Variants in NECAB3 observed in about 807,000 individuals in gnomAD.
NECAB3 encodes N-terminal EF-hand calcium-binding protein 3.
Under a neutral mutation model 57.2 loss-of-function variants are expected in NECAB3, and 38 were observed. That is an observed-to-expected ratio of 0.66 (90% CI 0.51 to 0.87). NECAB3 has a LOEUF of 0.87. Among genes scored for constraint, NECAB3 ranks in the 40% least tolerant of loss-of-function variants. The probability of loss-of-function intolerance (pLI) is 0.00; values close to 1 mark genes in which losing one functional copy is unlikely to be tolerated. For synonymous variants in NECAB3, 223 were observed against 222.6 expected (o/e 1.00, Z -0.02); for missense variants, 474 against 527.5 (o/e 0.90, Z 0.99).
chr20:33,658,363 G>A (rs1375789016), intron 10 of NECAB3, 114 bp downstream of exon 10: 2 of 1,090,478 alleles, frequency 1.8e-6, no homozygotes, highest in Middle Eastern at 2.0e-4. Flanking sequence ...GGGCAGGTGG[G>A]GTCACTCATC....
chr20:33,667,416 C>T (rs1912768533), intron 5 of NECAB3: 2 of 1,408,230 alleles, frequency 1.4e-6, no homozygotes, highest in South Asian at 1.5e-5. Context: ...TGCTGGTGAG[C>T]GACTCGCCGT....
intron 5 of NECAB3, chr20:33,667,255 C>A: frequency 2.3e-6 from 1 of 431,394 alleles, no homozygotes; most frequent in Non-Finnish European, 3.9e-6. Flanking sequence ...CCGGCCGGTG[C>A]TGCCCGGAGC....
intron 5 of NECAB3, chr20:33,667,851 T>G: frequency 6.2e-7 from 1 of 1,608,430 alleles, no homozygotes; most frequent in East Asian, 2.2e-5. Flanking sequence ...GCCTCAGCAG[T>G]GAGCGCTTCC....
intron 5 of NECAB3, chr20:33,663,797 CT>C (rs2017570256): frequency 7.0e-7 from 1 of 1,420,894 alleles, no homozygotes; most frequent in African/African-American, 1.5e-5. Context: ...CCGGGGAAGG[CT>C]CCCCGCGAAG....
At chr20:33,666,325 A>C (rs1377512912) in intron 5 of NECAB3, among the ~76,000 whole-genome samples, 1 of 152,232 alleles carries the variant, frequency 6.6e-6, no homozygotes, top group Non-Finnish European at 1.5e-5. Flanking sequence ...TGCTGAAGCC[A>C]GACCCCTGGA....
At chr20:33,663,507 C>T in intron 5 of NECAB3, 3 of 1,599,574 alleles carry the variant, frequency 1.9e-6, no homozygotes, top group African/African-American at 1.4e-5. Flanking sequence ...CGCTCTCCCG[C>T]CTCACGCCCC....
At chr20:33,661,361 C>T (rs1288192440) in intron 5 of NECAB3, among the ~76,000 whole-genome samples, 1 of 152,146 alleles carries the variant, frequency 6.6e-6, no homozygotes. Flanking sequence ...CTGCCCTCTC[C>T]GAGGAGACTC....
At chr20:33,667,751 G>A (rs755342505) in intron 5 of NECAB3, 2 of 1,612,488 alleles carry the variant, frequency 1.2e-6, no homozygotes, top group Non-Finnish European at 1.7e-6. Flanking sequence ...AAGCGCAGCT[G>A]CTACGTGTCC....
Position 33,660,036 on chromosome 20 carries a change from TG to T in NECAB3, c.525-34del. On this transcript the variant is annotated intron_variant, in intron 6 of 11. Coordinates refer to ENST00000246190, the MANE Select transcript of NECAB3 (RefSeq NM_031232.4). The surrounding 1 kb of genome is among the most constrained non-coding windows in gnomAD (Gnocchi z 4.1). The stretch of plus-strand genomic sequence containing the variant: ...AAGTGAGGCTCACAGGGCCGAGGAC[TG>T]GGGCCCCAGGACGGGATAAGCCTGG... 1 of 1,563,194 alleles carries T rather than the reference TG, an allele frequency of 6.4e-7. No individual in the cohort carries two copies.
Position 33,670,671 on chromosome 20 carries a change from CT to C in NECAB3, c.263+12del. On this transcript the variant is annotated intron_variant, in intron 3 of 11. Coordinates refer to ENST00000246190, the MANE Select transcript of NECAB3 (RefSeq NM_031232.4). ...TGGCCTCGCATCTACCCACGGCCCCCTCTCATACTCACTCGGTGAGATGCCC... is the reference window on the plus strand; with the variant it reads ...TGGCCTCGCATCTACCCACGGCCCCCCTCATACTCACTCGGTGAGATGCCC... The C allele has an allele frequency of 6.2e-7, 1 of 1,600,280 alleles. No individual in the cohort carries two copies. The highest frequency in any genetic ancestry group is 8.6e-7 in the Non-Finnish European group (1 of 1,169,198).
chr20:33,659,804 G>A (rs954606479), intron 7 of NECAB3, 72 bp from the exon 8 acceptor site: 5 of 1,531,636 alleles, frequency 3.3e-6, no homozygotes, highest in Non-Finnish European at 2.6e-6. Context: ...TGAAGTGAGG[G>A]GCAGTGAAGG....
rs2017720916 is a variant in NECAB3, at chr20:33,667,801, CATCCGGCCAGTTTCAG to C, written c.387+1558_387+1573del. On this transcript the variant is annotated intron_variant, in intron 5 of 11. Transcript: ENST00000246190. ...CGACCTCCGCGACCCCGCCCGCCAC[CATCCGGCCAGTTTCAG>C]CGTGGGTAACGGGTGCTGCGTCTGC... 3 of 1,612,534 alleles carry C rather than the reference CATCCGGCCAGTTTCAG, an allele frequency of 1.9e-6. No individual in the cohort carries two copies. The Admixed American group carries it at 5.0e-5, about 27-fold the overall frequency.
At chr20:33,658,105 C>T (rs978310753) in intron 10 of NECAB3, 72 bp from the exon 11 acceptor site, 51 of 1,361,776 alleles carry the variant, frequency 3.7e-5, no homozygotes, top group Non-Finnish European at 4.7e-5. Context: ...GATCAGACCC[C>T]GGCCCTTCTC....
At chr20:33,658,063 C>T (rs3746461) in intron 10 of NECAB3, 30 bp from the exon 11 acceptor site, 1 of 1,541,054 alleles carries the variant, frequency 6.5e-7, no homozygotes, top group East Asian at 2.4e-5. Flanking sequence ...AGTGACCTCG[C>T]TCTCCCCACT....
intron 10 of NECAB3, 138 bp downstream of exon 10, chr20:33,658,339 G>A (rs1046981656): frequency 3.4e-6 from 3 of 888,320 alleles, no homozygotes; most frequent in African/African-American, 1.7e-5. Context: ...ATTTTGGAAA[G>A]GACTCGGGGG....
In NECAB3 at chr20:33,659,913, G is replaced by A; in HGVS notation, c.615C>T (p.Ser205=). 6 of 1,548,052 alleles carry A rather than the reference G, an allele frequency of 3.9e-6. No individual in the cohort carries two copies. The highest frequency in any genetic ancestry group is 5.2e-6 in the Non-Finnish European group (6 of 1,148,392). Residue 205 remains serine, a synonymous_variant, in exon 7 of 12, where the codon TCC becomes TCT. Coordinates refer to ENST00000246190, the MANE Select transcript of NECAB3 (RefSeq NM_031232.4). ...TGTCAGAAGAGCCGGGGGACCAGGT[G>A]GATGACCGGCTGACACTCCTCAGGG... ...RRALRSVSRS[S]TWSPGSSDTG...
At chr20:33,664,050 G>C in intron 5 of NECAB3, 1 of 542,272 alleles carries the variant, frequency 1.8e-6, no homozygotes, top group African/African-American at 2.0e-5. Flanking sequence ...GCTGTCTTTT[G>C]CTTTCTCCTT....
intron 5 of NECAB3, chr20:33,663,621 G>C: frequency 6.2e-7 from 1 of 1,609,642 alleles, no homozygotes; most frequent in African/African-American, 1.3e-5. Context: ...GCGCTGGGCT[G>C]GGCTCCCCGG....
rs994016919 is a variant in NECAB3, at chr20:33,663,472, C to G, written c.388-3077G>C. 9 of 1,538,496 alleles carry G rather than the reference C, an allele frequency of 5.8e-6. No homozygotes were observed. In the African/African-American group the frequency reaches 1.3e-4, roughly 22 times the overall value. On this transcript the variant is annotated intron_variant, in intron 5 of 11. Transcript: ENST00000246190. ...GTCCCAGGAGAAGCGCGGAGCGGCC[C>G]CGGGTCGTGGGCTCGGCCCTAGCGC...
Sources: gnomAD v4.1 joint callset for allele counts (sites outside exome capture counted in the v4.1 genomes callset) on GRCh38, gnomAD v4.1.1 for gene constraint, Gnocchi (gnomAD v3.1) non-coding constraint, MANE v1.5 for transcripts, NCBI Gene and HGNC (gene_info 2026-07-23, HGNC 2026-07-21) for gene names.